CEP192: variants seen among roughly 807,000 people sequenced by gnomAD.
CEP192 encodes centrosomal protein of 192 kDa.
In CEP192, 151 loss-of-function variants were observed where a neutral mutation model predicts 271.8. The observed-to-expected ratio is 0.56, with a 90% CI of 0.49 to 0.64. The LOEUF (loss-of-function observed/expected upper bound fraction) is 0.64, where lower values mean the gene tolerates loss of function less well. CEP192 is among the 30% of genes least tolerant of loss of function. The pLI is 0.00. For missense variants in CEP192, 2,910 were observed against 3,020.5 expected (o/e 0.96, Z 0.86); for synonymous variants, 995 against 1,076.5 (o/e 0.92, Z 1.48).
At chr18:13,024,476 T>C (rs1006653776) in intron 9 of CEP192, 20 of 360,296 alleles carry the variant, frequency 5.6e-5, no homozygotes, top group Non-Finnish European at 1.0e-4. Context: ...TATTTATTTA[T>C]TTTTTGAGGT....
chr18:13,068,509 G>A, intron 24 of CEP192, 87 bp downstream of exon 24: 4 of 1,116,246 alleles, frequency 3.6e-6, no homozygotes, highest in Non-Finnish European at 5.3e-6. Context: ...GTCAATAAAT[G>A]TCAGTACTTC....
chr18:13,032,770 G>T (rs1201993471), intron 11 of CEP192, among the ~76,000 whole-genome samples: 1 of 152,190 alleles, frequency 6.6e-6, no homozygotes, highest in Non-Finnish European at 1.5e-5. Context: ...CCAAGTCACT[G>T]CAGAATCACC....
In CEP192 at chr18:13,029,718, T is replaced by G. The variant is rs2143529047; in HGVS notation, c.1106T>G (p.Leu369Arg). 6.4e-7 allele frequency: 1 copy of G among 1,551,480 alleles called. No individual in the cohort carries two copies. Among genetic ancestry groups the G allele is most frequent in the East Asian group, 2.4e-5 (1 of 40,918 alleles). The change falls in exon 10 of 45, where the codon CTT becomes CGT. Residue 369 changes from leucine (L) to arginine (R), a missense_variant. Transcript: ENST00000506447. ...ACCCTCAGGGCTATTGATGTGAAAC[T>G]TAACTCTGATAATTTTCATGATGCA... Reference protein sequence around the residue: ...VKTLRAIDVKLNSDNFHDANA... With the variant: ...VKTLRAIDVKRNSDNFHDANA...
intron 36 of CEP192, 62 bp from the exon 37 acceptor site, chr18:13,099,414 C>T (rs2039599545): frequency 1.2e-6 from 1 of 806,192 alleles, no homozygotes; most frequent in Non-Finnish European, 2.0e-6. Flanking sequence ...ATTTATAACT[C>T]CTGTGATTAC....
At chr18:13,018,404 T>A (rs2034786416) in intron 7 of CEP192, 76 bp from the exon 8 acceptor site, 1 of 940,152 alleles carries the variant, frequency 1.1e-6, no homozygotes, top group African/African-American at 1.7e-5. Context: ...CATCCTTCAG[T>A]AAAGCCACAT....
Position 13,001,443 on chromosome 18 carries a change from T to A in CEP192, c.165-14T>A. 3 of 1,498,552 alleles carry A rather than the reference T, an allele frequency of 2.0e-6. No homozygotes were observed. Among genetic ancestry groups the A allele is most frequent in the Non-Finnish European group, 2.7e-6 (3 of 1,109,212 alleles). The allele number at this position is 1,498,552 out of a possible 1,614,324, so 92.8% of individuals were successfully genotyped here. ...TTTAATTCTTAACAATTAAAACAAA[T>A]TTTTTTTGTATAGGTATCCTGATAT... On this transcript the variant is annotated splice_polypyrimidine_tract_variant and intron_variant, in intron 2 of 44. Transcript: ENST00000506447.
chr18:13,046,127 G>C (rs79182604), intron 15 of CEP192, among the ~76,000 whole-genome samples: 3 of 152,042 alleles, frequency 2.0e-5, no homozygotes, highest in African/African-American at 7.2e-5. Flanking sequence ...CTTGGCTTCT[G>C]GGGGGGCCTC....
At chr18:13,096,683 C>G (rs552800174) in intron 36 of CEP192, among the ~76,000 whole-genome samples, 1 of 152,330 alleles carries the variant, frequency 6.6e-6, no homozygotes, top group South Asian at 2.1e-4. Context: ...AGCCCAAACA[C>G]TTCTGCCATT....
Position 13,057,630 on chromosome 18 carries a change from G to C in CEP192, c.4154G>C (p.Cys1385Ser). Residue 1385 changes from cysteine to serine, a missense_variant, in exon 20 of 45, where the codon TGT (cysteine) becomes TCT (serine). Transcript: ENST00000506447. ...GAGTTGAAGCTTCCTCATGCTTGCT[G>C]TGTCGGGATCGCTTCCCAGACCCTC... ...PEELKLPHAC[C>S]VGIASQTLLS... The C allele has an allele frequency of 1.2e-6, 2 of 1,614,164 alleles. No homozygotes were observed. The highest frequency in any genetic ancestry group is 1.7e-6 in the Non-Finnish European group (2 of 1,180,008).
chr18:13,104,985 G>T lies in CEP192; in HGVS notation c.6953G>T (p.Gly2318Val). 1 of 1,607,518 alleles carries T rather than the reference G, an allele frequency of 6.2e-7. No individual in the cohort carries two copies. Among genetic ancestry groups the T allele is most frequent in the East Asian group, 2.2e-5 (1 of 44,878 alleles). The change falls in exon 40 of 45, where the codon GGA becomes GTA. Residue 2318 changes from glycine to valine, a missense_variant and splice_region_variant. Gly to Val is a moderately radical substitution (Grantham distance 109). Coordinates refer to ENST00000506447, the MANE Select transcript of CEP192 (RefSeq NM_032142.4). ...LSSLAPPYVK[G>V]VDESGDVFRA... The stretch of plus-strand genomic sequence containing the variant: ...TTTGTTTAAATGATTGCTTTGCAGG[G>T]AGTTGATGAAAGTGGAGATGTTTTT...
chr18:13,068,327 C>T, intron 23 of CEP192, 32 bp from the exon 24 acceptor site: 1 of 1,604,942 alleles, frequency 6.2e-7, no homozygotes, highest in East Asian at 2.2e-5. Flanking sequence ...TACCAGTTTA[C>T]ATTAAGACAA....
chr18:13,025,318 G>A (rs1479154661), intron 9 of CEP192, among the ~76,000 whole-genome samples: 2 of 152,056 alleles, frequency 1.3e-5, no homozygotes, highest in African/African-American at 2.4e-5. Flanking sequence ...CTAAGCTCAA[G>A]CGATCCTCCT....
chr18:13,060,432 A>C (rs2037348423), intron 21 of CEP192, among the ~76,000 whole-genome samples: 1 of 152,214 alleles, frequency 6.6e-6, no homozygotes, highest in Non-Finnish European at 1.5e-5. Flanking sequence ...ATTACTGTAC[A>C]CACTTGGAGA....
chr18:13,102,083 C>T (rs2039734323), intron 38 of CEP192, among the ~76,000 whole-genome samples: 1 of 152,134 alleles, frequency 6.6e-6, no homozygotes, highest in Admixed American at 6.5e-5. Context: ...TGCCCCTCCA[C>T]ATGAGGCTTT....
intron 36 of CEP192, among the ~76,000 whole-genome samples, chr18:13,098,947 G>C (rs1446028941): frequency 1.3e-5 from 2 of 152,202 alleles, no homozygotes; most frequent in Non-Finnish European, 2.9e-5. Context: ...GGAGGCTGAG[G>C]CTGGCAGATC....
In CEP192 at chr18:13,109,836, C is replaced by T. The variant is rs143691875; in HGVS notation, c.7048-3750C>T. Among the ~76,000 whole-genome samples the T allele has an allele frequency of 5.8e-3, 879 of 151,990 alleles. 13 individuals carry two copies. The highest frequency in any genetic ancestry group is 0.02 in the African/African-American group (836 of 41,448). ...AAGGCAGGAAAGAGACAATTTTACA[C>T]GAAAAGCATTTGTCAAGTGAGAATC... is the stretch of plus-strand genomic sequence containing the variant. On this transcript the variant is annotated intron_variant, in intron 40 of 44. Coordinates refer to ENST00000506447, the MANE Select transcript of CEP192 (RefSeq NM_032142.4).
At chr18:13,078,490 TC>T (rs2038408821) in intron 30 of CEP192, among the ~76,000 whole-genome samples, 1 of 152,174 alleles carries the variant, frequency 6.6e-6, no homozygotes, top group Non-Finnish European at 1.5e-5. Flanking sequence ...TAGTTCCAGA[TC>T]CTTGAGGAAT....
chr18:13,015,368 C>G lies in CEP192; in HGVS notation c.560C>G (p.Thr187Ser). Residue 187 changes from threonine (T) to serine (S), a missense_variant, in exon 6 of 45, where the codon ACT (threonine) becomes AGT (serine). By Grantham distance (58) the Thr-to-Ser change is moderately conservative (BLOSUM62 1). Transcript: ENST00000506447. ...LDAGKHFEDK[T>S]LKSDLSHTSL... ...GCTGGAAAACATTTTGAAGACAAGA[C>G]TCTAAAGAGTGACCTAAGCCACACT... is the stretch of plus-strand genomic sequence containing the variant. 6 of 1,550,638 alleles carry G rather than the reference C, an allele frequency of 3.9e-6. No individual in the cohort carries two copies. Among genetic ancestry groups the G allele is most frequent in the Non-Finnish European group, 5.2e-6 (6 of 1,146,392 alleles).
chr18:13,005,133 C>T (rs1348238434), intron 3 of CEP192, among the ~76,000 whole-genome samples: 1 of 152,148 alleles, frequency 6.6e-6, no homozygotes, highest in East Asian at 1.9e-4. Context: ...TCCATCTCCA[C>T]ACCAGGTGAT....
Sources: allele counts gnomAD v4.1 joint callset (sites outside exome capture counted in the v4.1 genomes callset), GRCh38; gene constraint gnomAD v4.1.1; transcripts MANE v1.5; gene names NCBI Gene and HGNC (gene_info 2026-07-23, HGNC 2026-07-21).